PRMT2: variants seen among roughly 807,000 people sequenced by gnomAD.
PRMT2 encodes the protein protein arginine methyltransferase 2, also known as protein arginine N-methyltransferase 2.
PRMT2 carries 26 observed loss-of-function variants against 57.6 expected under a neutral mutation model. The ratio of observed to expected loss-of-function variants is 0.45; its 90% CI spans 0.33 to 0.63. The LOEUF is 0.63. Ranked by LOEUF, PRMT2 falls within the 20% of genes least tolerant of loss-of-function variation. PRMT2 has a pLI of 0.02. For missense variants in PRMT2, 472 were observed against 564.4 expected, an observed-to-expected ratio of 0.84 and a Z score of 1.66; for synonymous variants, 219 against 220.0, an observed-to-expected ratio of 1.00 and a Z score of 0.04.
intron 9 of PRMT2, 100 bp downstream of exon 9, chr21:46,661,062 G>A: frequency 3.4e-6 from 4 of 1,186,732 alleles, no homozygotes; most frequent in South Asian, 3.3e-5. Context: ...GAGTGCTGGG[G>A]GTGTGAGTGA....
At chr21:46,639,807 T>C (rs1471469658) in intron 3 of PRMT2, among the ~76,000 whole-genome samples, 1 of 152,118 alleles carries the variant, frequency 6.6e-6, no homozygotes, top group Non-Finnish European at 1.5e-5. Context: ...CTCTTAGGTC[T>C]GTTTTTTTGT....
chr21:46,663,303 G>A lies in PRMT2; in HGVS notation c.1098-80G>A, dbSNP rs1280677619. On this transcript the variant is annotated intron_variant, in intron 10 of 11. Coordinates refer to ENST00000355680, the MANE Select transcript of PRMT2 (RefSeq NM_206962.4). ...TGCTGTTGGGGGCGAGAGCCAGTGC[G>A]AGCCTGAGTCAGCGCCCCGAGGGCC... 6.3e-6 allele frequency: 9 copies of A among 1,437,842 alleles called. No individual in the cohort carries two copies. The Admixed American group carries it at 1.3e-4, about 21-fold the overall frequency. 89.1% of individuals were successfully genotyped at this position (1,437,842 alleles called of 1,614,324 possible).
At chr21:46,661,137 G>GAACA in intron 9 of PRMT2, 175 bp downstream of exon 9, 1 of 618,046 alleles carries the variant, frequency 1.6e-6, no homozygotes, top group Non-Finnish European at 2.5e-6. Flanking sequence ...ATTTTTTCCA[G>GAACA]TCTTTTTTCT....
rs61531632 is a variant in PRMT2 at position 46,640,438 on chromosome 21, ATT to A, written c.40-3077_40-3076del. Among the ~76,000 whole-genome samples, 1,140 of 116,438 alleles carry A rather than the reference ATT, an allele frequency of 9.8e-3. 2 individuals carry two copies. Among genetic ancestry groups the A allele is most frequent in the African/African-American group, 0.038 (1,065 of 28,324 alleles). The allele number at this position is 116,438 out of a possible 152,430, so 76.4% of individuals were successfully genotyped here. ...AAACTATGAAATGTGTTTTGCCTAC[ATT>A]TTTTTTTTTTTTTTTTTTTGAGACG... On this transcript the variant is annotated intron_variant, in intron 3 of 11. Transcript: ENST00000355680.
In PRMT2 at chr21:46,648,369, T is replaced by C. The variant is rs1240907596; in HGVS notation, c.328-89T>C. 3 of 1,421,612 alleles carry C rather than the reference T, an allele frequency of 2.1e-6. No individual in the cohort carries two copies. The highest frequency in any genetic ancestry group is 1.4e-5 in the African/African-American group (1 of 71,288). 88.1% of individuals were successfully genotyped at this position (1,421,612 alleles called of 1,614,324 possible). A position where few individuals can be genotyped will look rare whatever the true frequency, so the allele number is the denominator to read the frequency against. On this transcript the variant is annotated intron_variant, in intron 5 of 11. Coordinates refer to ENST00000355680, the MANE Select transcript of PRMT2 (RefSeq NM_206962.4). This position sits in a 1 kb window ranked among gnomAD's most constrained non-coding sequence, Gnocchi z 4.8. ...ATAGGGGTGTTGGGGTCAGGGGTCA[T>C]CAGCTGTGGCTCTGACCCTCCATCT...
rs1161659762 is a variant in PRMT2 at position 46,648,731 on chromosome 21, A to T, written c.489+112A>T. On this transcript the variant is annotated intron_variant, in intron 6 of 11. Transcript: ENST00000355680. This position sits in a 1 kb window ranked among gnomAD's most constrained non-coding sequence, Gnocchi z 4.8. ...CTGAGCTGTTGGGGGCTCACCGGTGACTCCATGGTCTTGTTGAGCACCCTG... is the reference window on the plus strand; with the variant it reads ...CTGAGCTGTTGGGGGCTCACCGGTGTCTCCATGGTCTTGTTGAGCACCCTG... 1.0e-5 allele frequency: 14 copies of T among 1,372,582 alleles called. No individual in the cohort carries two copies. Among genetic ancestry groups the T allele is most frequent in the African/African-American group, 2.9e-5 (2 of 69,866 alleles). The allele number at this position is 1,372,582 out of a possible 1,614,324, so 85.0% of individuals were successfully genotyped here.
chr21:46,661,909 A>G lies in PRMT2; in HGVS notation c.1070A>G (p.Gln357Arg). Residue 357 changes from glutamine to arginine, a missense_variant, in exon 10 of 12, where the codon CAG becomes CGG. Gln to Arg is a conservative substitution (Grantham distance 43, BLOSUM62 1). Coordinates refer to ENST00000355680, the MANE Select transcript of PRMT2 (RefSeq NM_206962.4). ...FQSLQEGQPP[Q>R]VLSTGPFHPT... is the part of the protein sequence containing the mutation. ...AGCCTGCAGGAGGGGCAGCCGCCGC[A>G]GGTGCTCAGCACCGGGCCCTTCCAC... is the stretch of plus-strand genomic sequence containing the variant. 2 of 1,344,160 alleles carry G rather than the reference A, an allele frequency of 1.5e-6. No individual in the cohort carries two copies. Among genetic ancestry groups the G allele is most frequent in the Admixed American group, 2.4e-5 (1 of 42,420 alleles). 83.3% of individuals were successfully genotyped at this position (1,344,160 alleles called of 1,614,324 possible).
At position 46,652,181 on chromosome 21, in the gene PRMT2, A is replaced by G. The variant is rs192509411; in HGVS notation, c.654+2442A>G. 15 of 1,423,604 alleles carry G rather than the reference A, an allele frequency of 1.1e-5. No homozygotes were observed. The East Asian group carries it at 3.5e-4, about 33-fold the overall frequency. 88.2% of individuals were successfully genotyped at this position (1,423,604 alleles called of 1,614,324 possible). A position where few individuals can be genotyped will look rare whatever the true frequency, so the allele number is the denominator to read the frequency against. ...CACCATCTGCTAAAATAAACCTCAG[A>G]TGGGCTCAAGAGTTAAATATTTAAG... is the stretch of plus-strand genomic sequence containing the variant. On this transcript the variant is annotated intron_variant, in intron 7 of 11. Coordinates refer to ENST00000355680, the MANE Select transcript of PRMT2 (RefSeq NM_206962.4).
At chr21:46,651,700 A>G (rs2061456041) in intron 7 of PRMT2, 35 of 1,292,692 alleles carry the variant, frequency 2.7e-5, no homozygotes, top group South Asian at 2.1e-4. Context: ...AAGAGTTCCT[A>G]TGGCGATAGT....
intron 1 of PRMT2, 144 bp from the exon 2 acceptor site, chr21:46,636,286 CCCAGGTCTT>C (rs1407941540): frequency 1.3e-5 from 2 of 152,368 alleles, no homozygotes; most frequent in Non-Finnish European, 2.9e-5. Flanking sequence ...CCAGTTTGGA[CCCAGGTCTT>C]CCAATGAAAA....
In PRMT2 at chr21:46,658,431, G is replaced by C. The variant is rs138608333; in HGVS notation, c.655-314G>C. 3.4e-4 allele frequency: 90 copies of C among 262,652 alleles called. 1 individual carries two copies. In the East Asian group the frequency reaches 6.9e-3, roughly 20 times the overall value. 16.3% of individuals were successfully genotyped at this position (262,652 alleles called of 1,614,324 possible). On this transcript the variant is annotated intron_variant, in intron 7 of 11. Transcript: ENST00000355680. ...ACACTTCAGGGCTCTTTCAAAATCT[G>C]GTAGCTACGAGCTCTTCCGTGACTG...
Position 46,663,430 on chromosome 21 carries a change from C to A in PRMT2, c.1145C>A (p.Pro382His), listed in dbSNP as rs1284417771. The A allele has an allele frequency of 1.2e-6, 2 of 1,614,188 alleles. No homozygotes were observed. Among genetic ancestry groups the A allele is most frequent in the Non-Finnish European group, 1.7e-6 (2 of 1,180,004 alleles). Residue 382 changes from proline (P) to histidine (H), a missense_variant, in exon 11 of 12, where the codon CCT becomes CAT. Physicochemically the swap from Pro to His is moderately conservative, Grantham distance 77. Around this residue, in one of 2 missense-constraint regions of PRMT2, gnomAD observed 229 missense variants for 217.2 expected, o/e 1.05. Transcript: ENST00000355680. ...CTGTTCATGATGGACGACCCAGTCC[C>A]TGTCCATACAGGAGACGTGGTCACG... ...QTLFMMDDPVPVHTGDVVTGS... is the reference protein window; with the variant it reads ...QTLFMMDDPVHVHTGDVVTGS...
At chr21:46,652,430 T>G (rs1408587747) in intron 7 of PRMT2, 44 of 1,054,922 alleles carry the variant, frequency 4.2e-5, no homozygotes, top group Non-Finnish European at 5.1e-5. Flanking sequence ...AAGCATAAGA[T>G]AAAGGTAACC....
rs1200067388 is a variant in PRMT2 at position 46,635,693 on chromosome 21, C to T, written c.-236C>T. On this transcript the variant is annotated 5_prime_UTR_variant, in exon 1 of 12. Coordinates refer to ENST00000355680, the MANE Select transcript of PRMT2 (RefSeq NM_206962.4). ...CGGGTTGAGGGCGGTGGCTCAGGCTCCTGGAAAGGACCGTCCACCCCTCCG... is the reference window on the plus strand; with the variant it reads ...CGGGTTGAGGGCGGTGGCTCAGGCTTCTGGAAAGGACCGTCCACCCCTCCG... 2 of 152,424 alleles carry T rather than the reference C, an allele frequency of 1.3e-5. No homozygotes were observed. Among genetic ancestry groups the T allele is most frequent in the Non-Finnish European group, 2.9e-5 (2 of 68,186 alleles). 9.4% of individuals were successfully genotyped at this position (152,424 alleles called of 1,614,324 possible).
intron 5 of PRMT2, among the ~76,000 whole-genome samples, chr21:46,646,355 A>G (rs1294484576): frequency 6.6e-6 from 1 of 152,230 alleles, no homozygotes; most frequent in East Asian, 1.9e-4. Context: ...AGCCAATTCC[A>G]GCCTCCCACC....
At chr21:46,636,665 C>G in intron 2 of PRMT2, 118 bp downstream of exon 2, 1 of 393,232 alleles carries the variant, frequency 2.5e-6, no homozygotes, top group Non-Finnish European at 4.6e-6. Flanking sequence ...AGCAAATGAA[C>G]AAGATTAACA....
At chr21:46,663,710 A>T (rs2061664442) in intron 11 of PRMT2, among the ~76,000 whole-genome samples, 156 bp downstream of exon 11, 1 of 152,138 alleles carries the variant, frequency 6.6e-6, no homozygotes, top group African/African-American at 2.4e-5. Context: ...GCCTGTTGTC[A>T]TTGGCTTCAT....
intron 7 of PRMT2, chr21:46,652,147 C>A: frequency 6.9e-7 from 1 of 1,445,456 alleles, no homozygotes; most frequent in South Asian, 1.5e-5. Flanking sequence ...GAAAAGAGGC[C>A]CTTCTTCACA....
chr21:46,638,465 G>A (rs549518200), intron 3 of PRMT2, among the ~76,000 whole-genome samples: 207 of 152,278 alleles, frequency 1.4e-3, no homozygotes, highest in African/African-American at 4.8e-3. Context: ...GTGACCATCC[G>A]TCTCCATGCC....
Sources: gnomAD v4.1 joint callset for allele counts (sites outside exome capture counted in the v4.1 genomes callset) on GRCh38, gnomAD v4.1.1 for gene constraint, gnomAD v4.1.1 regional missense constraint, Gnocchi (gnomAD v3.1) non-coding constraint, MANE v1.5 for transcripts, NCBI Gene and HGNC (gene_info 2026-07-23, HGNC 2026-07-21) for gene names.